GNB5: variants seen among roughly 807,000 people sequenced by gnomAD.
GNB5 encodes G protein subunit beta 5, also known as guanine nucleotide-binding protein subunit beta-5.
GNB5 carries 37 observed loss-of-function variants against 55.3 expected under a neutral mutation model. The ratio of observed to expected loss-of-function variants is 0.67; its 90% CI spans 0.51 to 0.88. The LOEUF (loss-of-function observed/expected upper bound fraction) is 0.88. Among genes scored for constraint, GNB5 ranks in the 40% least tolerant of loss-of-function variants. The pLI, the probability that GNB5 is intolerant of heterozygous loss-of-function variation, is 0.00. For synonymous variants in GNB5, 219 were observed against 198.5 expected, an observed-to-expected ratio of 1.10 and a Z score of -0.87; for missense variants, 476 against 515.3, an observed-to-expected ratio of 0.92 and a Z score of 0.74.
chr15:52,174,388 G>A (rs1185741901), intron 3 of GNB5, among the ~76,000 whole-genome samples: 2 of 152,178 alleles, frequency 1.3e-5, no homozygotes, highest in Admixed American at 6.5e-5. Flanking sequence ...GGTAGTACTC[G>A]CCTGTGGTAG....
chr15:52,170,081 G>C (rs1023550814), intron 3 of GNB5, among the ~76,000 whole-genome samples: 1 of 152,122 alleles, frequency 6.6e-6, no homozygotes, highest in Non-Finnish European at 1.5e-5. Context: ...GTGAGGTTGC[G>C]GAGAAAAAGG....
At chr15:52,187,937 A>T (rs1356609869) in intron 1 of GNB5, among the ~76,000 whole-genome samples, 1 of 151,812 alleles carries the variant, frequency 6.6e-6, no homozygotes, top group East Asian at 1.9e-4. Context: ...TGACAGAGTG[A>T]GACTCCATCT....
chr15:52,117,175 C>G lies in GNB5; in HGVS notation c.*5582G>C. ...TCGATCTCCTGACCTCGTGATCCAC[C>G]CGCCTCGGCCTCCCAAAGTGCTGGG... is the stretch of plus-strand genomic sequence containing the variant. On this transcript the variant is annotated 3_prime_UTR_variant, in exon 13 of 13. Coordinates refer to ENST00000261837, the MANE Select transcript of GNB5 (RefSeq NM_016194.4). The G allele has an allele frequency of 6.7e-6, 1 of 148,470 alleles. No homozygotes were observed. The highest frequency in any genetic ancestry group is 2.0e-4 in the East Asian group (1 of 5,022). The allele number at this position is 148,470 out of a possible 1,614,324, so 9.2% of individuals were successfully genotyped here. A position where few individuals can be genotyped will look rare whatever the true frequency, so the allele number is the denominator to read the frequency against.
At chr15:52,136,092 C>G (rs2033704830) in intron 7 of GNB5, among the ~76,000 whole-genome samples, 1 of 140,462 alleles carries the variant, frequency 7.1e-6, no homozygotes, top group Non-Finnish European at 1.5e-5. Context: ...CACACACACA[C>G]ACACACAGGG....
intron 7 of GNB5, 84 bp downstream of exon 7, chr15:52,141,056 G>C (rs1249077385): frequency 3.4e-6 from 4 of 1,184,954 alleles, no homozygotes; most frequent in African/African-American, 1.5e-5. Flanking sequence ...CTTGTTCAGA[G>C]AGACGCCGAA....
intron 9 of GNB5, among the ~76,000 whole-genome samples, chr15:52,130,538 A>G (rs577681889): frequency 3.5e-4 from 53 of 152,354 alleles, no homozygotes; most frequent in Admixed American, 2.9e-3. Context: ...ATTTATCAAC[A>G]TCTTCTTTTA....
chr15:52,129,290 T>C (rs538681569), intron 9 of GNB5, among the ~76,000 whole-genome samples: 1 of 152,116 alleles, frequency 6.6e-6, no homozygotes, highest in Non-Finnish European at 1.5e-5. Context: ...ACCTACCCTA[T>C]AGTTCCACAA....
chr15:52,150,034 A>T, intron 4 of GNB5, 109 bp from the exon 5 acceptor site: 1 of 810,342 alleles, frequency 1.2e-6, no homozygotes, highest in East Asian at 2.5e-5. Flanking sequence ...GTAGAAAGCC[A>T]GAATGAGGAT....
intron 5 of GNB5, chr15:52,149,497 T>C: frequency 4.1e-6 from 2 of 482,876 alleles, no homozygotes; most frequent in South Asian, 6.9e-5. Flanking sequence ...CACGTGTTCA[T>C]TCCCACAGGG....
At position 52,141,279 on chromosome 15, in the gene GNB5, T is replaced by C. The variant is rs769446673; in HGVS notation, c.495-7A>G. On this transcript the variant is annotated splice_polypyrimidine_tract_variant and splice_region_variant and intron_variant, in intron 6 of 12. Coordinates refer to ENST00000261837, the MANE Select transcript of GNB5 (RefSeq NM_016194.4). ...ACACTTATTATCCAAACCACTAGGA[T>C]GGAAAGAAAGAAGTACCAAAGATTA... 2 of 1,613,232 alleles carry C rather than the reference T, an allele frequency of 1.2e-6. No homozygotes were observed. Among genetic ancestry groups the C allele is most frequent in the Admixed American group, 1.7e-5 (1 of 59,998 alleles).
chr15:52,157,971 T>C (rs1055620853), intron 3 of GNB5, among the ~76,000 whole-genome samples: 5 of 151,586 alleles, frequency 3.3e-5, no homozygotes, highest in South Asian at 2.1e-4. Flanking sequence ...TCAGGACACA[T>C]GTAGTTTCCC....
At chr15:52,184,801 G>C in intron 1 of GNB5, 107 bp from the exon 2 acceptor site, 1 of 776,772 alleles carries the variant, frequency 1.3e-6, no homozygotes, top group Non-Finnish European at 2.1e-6. Flanking sequence ...ACGTCTACAT[G>C]TGGGATAGAG....
intron 7 of GNB5, among the ~76,000 whole-genome samples, chr15:52,136,172 A>ACACACAC (rs1168734914): frequency 0.012 from 1,212 of 99,876 alleles, 54 homozygotes; most frequent in East Asian, 0.026. Context: ...ACACACACAC[A>ACACACAC]CCCTACCTGC....
rs1049561555 is a variant in GNB5, at chr15:52,121,729, G to C, written c.*1028C>G. ...GCCATTCTCCTGCCTCAGCCTCTCC[G>C]AGTAGCTGGGACTACAGGCGCCCGC... On this transcript the variant is annotated 3_prime_UTR_variant, in exon 13 of 13. Transcript: ENST00000261837. 6.6e-6 allele frequency: 1 copy of C among 151,166 alleles called. No individual in the cohort carries two copies. The highest frequency in any genetic ancestry group is 2.1e-4 in the South Asian group (1 of 4,790). 9.4% of individuals were successfully genotyped at this position (151,166 alleles called of 1,614,324 possible). A position where few individuals can be genotyped will look rare whatever the true frequency, so the allele number is the denominator to read the frequency against.
At chr15:52,171,084 C>T (rs1011311542) in intron 3 of GNB5, among the ~76,000 whole-genome samples, 1 of 127,080 alleles carries the variant, frequency 7.9e-6, no homozygotes, top group African/African-American at 3.1e-5. Flanking sequence ...TAAAGTGAGA[C>T]TCTATCTCCA....
intron 7 of GNB5, chr15:52,138,301 T>C: frequency 4.6e-6 from 1 of 217,406 alleles, no homozygotes; most frequent in Non-Finnish European, 9.4e-6. Context: ...TAGAATCGCT[T>C]GAACCTGGGA....
chr15:52,169,622 G>T (rs1327161861), intron 3 of GNB5, among the ~76,000 whole-genome samples: 2 of 150,334 alleles, frequency 1.3e-5, no homozygotes, highest in East Asian at 1.9e-4. Flanking sequence ...GAGGTAAAGA[G>T]GAAAACCTAG....
intron 7 of GNB5, chr15:52,137,577 A>C: frequency 3.8e-6 from 4 of 1,062,772 alleles, no homozygotes; most frequent in South Asian, 2.9e-5. Context: ...TTACAAGTAC[A>C]AAGGTCAGCC....
In GNB5 at chr15:52,137,763, G is replaced by A. The variant is rs538299770; in HGVS notation, c.628-2007C>T. The A allele has an allele frequency of 1.0e-3, 1,195 of 1,200,208 alleles. 20 individuals are homozygous for A. In the South Asian group the frequency reaches 0.017, roughly 17 times the overall value. 74.3% of individuals were successfully genotyped at this position (1,200,208 alleles called of 1,614,324 possible). A position where few individuals can be genotyped will look rare whatever the true frequency, so the allele number is the denominator to read the frequency against. On this transcript the variant is annotated intron_variant, in intron 7 of 12. Coordinates refer to ENST00000261837, the MANE Select transcript of GNB5 (RefSeq NM_016194.4). ...CGGGGCCCTCATAGGCCCAGCTGGC[G>A]GCATCACAGAGCCCTGGAGCCAGCT...
Sources: allele counts gnomAD v4.1 joint callset (sites outside exome capture counted in the v4.1 genomes callset), GRCh38; gene constraint gnomAD v4.1.1; transcripts MANE v1.5; gene names NCBI Gene and HGNC (gene_info 2026-07-23, HGNC 2026-07-21).